Variants in COL5A2 observed in about 807,000 individuals in gnomAD.
COL5A2 encodes the protein collagen type V alpha 2 chain, also known as collagen alpha-2(V) chain.
Under a neutral mutation model 208.2 loss-of-function variants are expected in COL5A2, and 23 were observed. The ratio of observed to expected loss-of-function variants is 0.11; its 90% CI spans 0.08 to 0.16. The LOEUF is 0.16. Ranked by LOEUF, COL5A2 falls within the 10% of genes least tolerant of loss-of-function variation. COL5A2 has a pLI of 1.00. For missense variants in COL5A2, 1,590 were observed against 1,956.4 expected (o/e 0.81, Z 3.53); for synonymous variants, 625 against 628.5 (o/e 0.99, Z 0.08).
the COL5A2 span, among the ~76,000 whole-genome samples, chr2:189,250,704 C>T: frequency 3.9e-5 from 6 of 152,196 alleles, no homozygotes; most frequent in African/African-American, 1.4e-4. Flanking sequence ...CTTTAAATAA[C>T]CTTGATTCTT....
At chr2:189,244,676 A>G in the COL5A2 span, among the ~76,000 whole-genome samples, 1 of 152,208 alleles carries the variant, frequency 6.6e-6, no homozygotes, top group African/African-American at 2.4e-5. Context: ...AAACTTTTCC[A>G]CATTTCCCTG....
intron 17 of COL5A2, 45 bp downstream of exon 17, chr2:189,075,348 T>C (rs745781323): frequency 1.3e-5 from 17 of 1,340,246 alleles, no homozygotes; most frequent in East Asian, 2.3e-5. Context: ...AATGGAAGAA[T>C]GCATGAATAA....
At chr2:189,403,362 T>C in the COL5A2 span, among the ~76,000 whole-genome samples, 1 of 152,342 alleles carries the variant, frequency 6.6e-6, no homozygotes. Flanking sequence ...CAAATGGTGA[T>C]ACTTTGACTT....
intron 4 of COL5A2, 92 bp downstream of exon 4, chr2:189,100,015 T>A (rs1288681916): frequency 1.8e-6 from 2 of 1,101,078 alleles, no homozygotes; most frequent in African/African-American, 3.2e-5. Flanking sequence ...TAATTTATTT[T>A]TGAAAGTATG....
the COL5A2 span, among the ~76,000 whole-genome samples, chr2:189,354,931 C>T: frequency 1.7e-4 from 26 of 152,040 alleles, no homozygotes; most frequent in South Asian, 8.3e-4. Context: ...CTATAAATTT[C>T]CCTCTACACA....
the COL5A2 span, among the ~76,000 whole-genome samples, chr2:189,291,064 C>T: frequency 2.0e-5 from 3 of 152,038 alleles, no homozygotes; most frequent in Non-Finnish European, 4.4e-5. Flanking sequence ...CTCAAAGACA[C>T]ATCCAATTAA....
the COL5A2 span, among the ~76,000 whole-genome samples, chr2:189,257,301 T>C: frequency 1.3e-5 from 2 of 152,220 alleles, no homozygotes; most frequent in African/African-American, 4.8e-5. Context: ...CTTGGCACAC[T>C]GTGAAAGTTA....
the COL5A2 span, among the ~76,000 whole-genome samples, chr2:189,411,912 T>C: frequency 6.6e-6 from 1 of 152,142 alleles, no homozygotes; most frequent in Non-Finnish European, 1.5e-5. Context: ...TACATACTAA[T>C]GGGGTCAAAG....
intron 34 of COL5A2, 77 bp downstream of exon 34, chr2:189,057,243 C>A (rs1685917929): frequency 1.9e-6 from 2 of 1,072,018 alleles, no homozygotes; most frequent in African/African-American, 1.7e-5. Flanking sequence ...TAAAAGCCTG[C>A]TCAAGAAATC....
chr2:189,062,769 C>T (rs1559085431), intron 29 of COL5A2, 96 bp downstream of exon 29: 2 of 1,423,006 alleles, frequency 1.4e-6, no homozygotes, highest in Admixed American at 1.7e-5. Flanking sequence ...TTCACTTTCC[C>T]TGAAACTTAC....
intron 48 of COL5A2, 132 bp from the exon 49 acceptor site, chr2:189,042,905 A>G: frequency 1.1e-6 from 1 of 898,318 alleles, no homozygotes; most frequent in Non-Finnish European, 1.8e-6. Context: ...TGCAATGTCT[A>G]CATGAGTTGA....
intron 6 of COL5A2, 57 bp from the exon 7 acceptor site, chr2:189,092,477 A>T: frequency 9.5e-7 from 1 of 1,049,716 alleles, no homozygotes; most frequent in East Asian, 2.6e-5. Context: ...CTTAGTAGAA[A>T]GCTAAAGGCA....
In COL5A2 at chr2:189,088,236, C is replaced by T. The variant is rs148618856; in HGVS notation, c.645+459G>A. Among the ~76,000 whole-genome samples, 947 of 152,192 alleles carry T rather than the reference C, an allele frequency of 6.2e-3. 9 individuals are homozygous for T. The highest frequency in any genetic ancestry group is 0.021 in the African/African-American group (877 of 41,526). ...GGGTAAGAATATTGAGAAGACTCAG[C>T]CAGGAAACCATAGAGCTGTTGGAAT... On this transcript the variant is annotated intron_variant, in intron 8 of 53. Transcript: ENST00000374866.
the COL5A2 span, among the ~76,000 whole-genome samples, chr2:189,282,953 A>T: frequency 7.9e-5 from 12 of 152,282 alleles, no homozygotes; most frequent in African/African-American, 2.6e-4. Context: ...TTCTGTTAAA[A>T]TCAACTTCAA....
Position 189,052,308 on chromosome 2 carries a change from A to C in COL5A2, c.2716-83T>G, listed in dbSNP as rs1011016295. Reference sequence around the variant, plus strand: ...TTTTCCTGGGATTTTTTTTCACAGGAAGACTGAAGCCTTTAGATTTCCTTT... The same window carrying C: ...TTTTCCTGGGATTTTTTTTCACAGGCAGACTGAAGCCTTTAGATTTCCTTT... On this transcript the variant is annotated intron_variant, in intron 40 of 53. Coordinates refer to ENST00000374866, the MANE Select transcript of COL5A2 (RefSeq NM_000393.5). 20 of 1,264,388 alleles carry C rather than the reference A, an allele frequency of 1.6e-5. No individual in the cohort carries two copies. In the Admixed American group the frequency reaches 3.4e-4, roughly 21 times the overall value. 78.3% of individuals were successfully genotyped at this position (1,264,388 alleles called of 1,614,324 possible).
intron 1 of COL5A2, among the ~76,000 whole-genome samples, chr2:189,158,365 AAC>A (rs1254684007): frequency 6.6e-6 from 1 of 152,054 alleles, no homozygotes; most frequent in Non-Finnish European, 1.5e-5. Flanking sequence ...TAAAAGTATT[AAC>A]ACAGTGCAAA....
At chr2:189,385,785 C>T in the COL5A2 span, among the ~76,000 whole-genome samples, 7 of 152,120 alleles carry the variant, frequency 4.6e-5, no homozygotes, top group Admixed American at 3.3e-4. Flanking sequence ...GACACAGAGA[C>T]CAATGGAACA....
chr2:189,129,578 T>C (rs1436545969), intron 1 of COL5A2, among the ~76,000 whole-genome samples: 1 of 152,066 alleles, frequency 6.6e-6, no homozygotes, highest in Non-Finnish European at 1.5e-5. Context: ...TACTAGGTAC[T>C]AGGTGACATT....
At chr2:189,305,945 G>A in the COL5A2 span, among the ~76,000 whole-genome samples, 1 of 152,116 alleles carries the variant, frequency 6.6e-6, no homozygotes, top group South Asian at 2.1e-4. Flanking sequence ...TCAGAATAGT[G>A]GATTCACTTT....
Sources: gnomAD v4.1 joint callset for allele counts (sites outside exome capture counted in the v4.1 genomes callset) on GRCh38, gnomAD v4.1.1 for gene constraint, MANE v1.5 for transcripts, NCBI Gene and HGNC (gene_info 2026-07-23, HGNC 2026-07-21) for gene names.